PHYH: variants seen among roughly 807,000 people sequenced by gnomAD.
PHYH encodes phytanoyl-CoA dioxygenase, peroxisomal.
PHYH carries 32 observed loss-of-function variants against 38.5 expected under a neutral mutation model. That is an observed-to-expected ratio of 0.83 (90% CI 0.63 to 1.12). The LOEUF (loss-of-function observed/expected upper bound fraction) is 1.12. Ranked by LOEUF, PHYH falls within the 50% of genes most tolerant of loss-of-function variation. The probability of loss-of-function intolerance (pLI) is 0.00; values close to 1 mark genes in which losing one functional copy is unlikely to be tolerated. For synonymous variants in PHYH, 166 were observed against 157.9 expected, an observed-to-expected ratio of 1.05 and a Z score of -0.38; for missense variants, 426 against 434.8, an observed-to-expected ratio of 0.98 and a Z score of 0.18.
rs1450273769 is a variant in PHYH, at chr10:13,291,888, T to C, written c.439A>G (p.Thr147Ala). The C allele has an allele frequency of 1.4e-5, 22 of 1,609,116 alleles. No individual in the cohort carries two copies. The highest frequency in any genetic ancestry group is 1.6e-5 in the Non-Finnish European group (19 of 1,177,098). Residue 147 changes from threonine to alanine, a missense_variant, in exon 5 of 9, where the codon ACT becomes GCT. Coordinates refer to ENST00000263038, the MANE Select transcript of PHYH (RefSeq NM_006214.4). ...PEILKYVECF[T>A]GPNIMAMHTM... ...TGCATGGCCATAATATTAGGTCCAGTGAAGCACTCCACATATTTCAGAATC... is the reference window on the plus strand; with the variant it reads ...TGCATGGCCATAATATTAGGTCCAGCGAAGCACTCCACATATTTCAGAATC...
At chr10:13,293,363 A>G (rs1008536018) in intron 4 of PHYH, among the ~76,000 whole-genome samples, 7 of 151,984 alleles carry the variant, frequency 4.6e-5, no homozygotes, top group Admixed American at 4.6e-4. Context: ...GTGCAATGAC[A>G]TGATCTCGGC....
At chr10:13,289,601 G>A (rs1835652625) in intron 5 of PHYH, among the ~76,000 whole-genome samples, 1 of 152,124 alleles carries the variant, frequency 6.6e-6, no homozygotes, top group Non-Finnish European at 1.5e-5. Context: ...GTGATATGGA[G>A]TCAAGTTTGA....
At chr10:13,283,024 T>C (rs1285260652) in intron 7 of PHYH, among the ~76,000 whole-genome samples, 2 of 152,044 alleles carry the variant, frequency 1.3e-5, no homozygotes, top group Non-Finnish European at 2.9e-5. Context: ...TCTCGCCATG[T>C]TGCCCAGACT....
chr10:13,290,115 C>CAAAAAAAAA (rs1172422242), intron 5 of PHYH, among the ~76,000 whole-genome samples: 5 of 33,390 alleles, frequency 1.5e-4, no homozygotes, highest in African/African-American at 1.3e-4. Context: ...CTAAAAATAC[C>CAAAAAAAAA]AAAAAAAAAA....
rs866323804 is a variant in PHYH, at chr10:13,296,413, C to T, written c.135-807G>A. Among the ~76,000 whole-genome samples, 5 of 151,006 alleles carry T rather than the reference C, an allele frequency of 3.3e-5. 1 individual carries two copies. The Middle Eastern group carries it at 0.01, about 310-fold the overall frequency. On this transcript the variant is annotated intron_variant, in intron 2 of 8. Transcript: ENST00000263038. ...CTCACATGATGAAACCCCATCTCTACTAAAAATACAAAAATTAGCGTGCCT... is the reference window on the plus strand; with the variant it reads ...CTCACATGATGAAACCCCATCTCTATTAAAAATACAAAAATTAGCGTGCCT...
Position 13,281,009 on chromosome 10 carries a change from T to C in PHYH, c.930A>G (p.Lys310=). The part of the protein sequence containing the change: ...IEKEVVGIAH[K]FFGAENSVNL... Reference sequence around the variant, plus strand: ...TCACGCTATTTTCAGCTCCAAAGAATTTATGTGCTATTCCTACAACTTCCT... The same window carrying C: ...TCACGCTATTTTCAGCTCCAAAGAACTTATGTGCTATTCCTACAACTTCCT... Residue 310 remains lysine, a synonymous_variant, in exon 8 of 9, where the codon AAA becomes AAG. Coordinates refer to ENST00000263038, the MANE Select transcript of PHYH (RefSeq NM_006214.4). 6.2e-7 allele frequency: 1 copy of C among 1,614,032 alleles called. No homozygotes were observed. Among genetic ancestry groups the C allele is most frequent in the African/African-American group, 1.3e-5 (1 of 75,050 alleles).
At chr10:13,289,606 G>A (rs918864310) in intron 5 of PHYH, among the ~76,000 whole-genome samples, 5 of 152,128 alleles carry the variant, frequency 3.3e-5, no homozygotes, top group Non-Finnish European at 7.4e-5. Context: ...ATGGAGTCAA[G>A]TTTGAAATCC....
intron 8 of PHYH, among the ~76,000 whole-genome samples, chr10:13,278,835 G>T (rs868326174): frequency 6.6e-6 from 1 of 152,114 alleles, no homozygotes; most frequent in Non-Finnish European, 1.5e-5. Context: ...CACCACTCCT[G>T]GTCTACTTAA....
intron 8 of PHYH, among the ~76,000 whole-genome samples, chr10:13,279,385 T>A (rs1182356156): frequency 1.3e-5 from 2 of 152,224 alleles, no homozygotes; most frequent in African/African-American, 2.4e-5. Context: ...CAAGGATTAC[T>A]GCTTTGTTTG....
rs757620086 is a variant in PHYH, at chr10:13,283,676, A to G, written c.828+14T>C. On this transcript the variant is annotated intron_variant, in intron 7 of 8. Transcript: ENST00000263038. Reference sequence around the variant, plus strand: ...CCACACTTCTGCAGCAGGTGCAGCAATGTGAATGCTTACCTTCCGGAATCC... The same window carrying G: ...CCACACTTCTGCAGCAGGTGCAGCAGTGTGAATGCTTACCTTCCGGAATCC... 6.2e-7 allele frequency: 1 copy of G among 1,613,380 alleles called. No individual in the cohort carries two copies. The highest frequency in any genetic ancestry group is 1.7e-5 in the Admixed American group (1 of 60,012).
intron 1 of PHYH, among the ~76,000 whole-genome samples, chr10:13,298,647 G>A (rs1832641267): frequency 6.6e-6 from 1 of 151,644 alleles, no homozygotes; most frequent in South Asian, 2.1e-4. Flanking sequence ...ATTGCAGTGA[G>A]CTGAGATCAG....
chr10:13,279,541 T>C (rs1835365850), intron 8 of PHYH, among the ~76,000 whole-genome samples: 2 of 152,218 alleles, frequency 1.3e-5, no homozygotes, highest in Admixed American at 1.3e-4. Context: ...CTTTGTCGCT[T>C]AGCTAGCTTA....
chr10:13,298,785 A>ACT (rs1832651794), intron 1 of PHYH, among the ~76,000 whole-genome samples: 2 of 147,008 alleles, frequency 1.4e-5, no homozygotes, highest in African/African-American at 5.0e-5. Flanking sequence ...TACTACTAAT[A>ACT]ATAATAATAC....
chr10:13,299,469 G>A (rs546475750), intron 1 of PHYH: 2 of 1,002,724 alleles, frequency 2.0e-6, no homozygotes, highest in Non-Finnish European at 2.4e-6. Context: ...TGGCAATGCC[G>A]TAGTCCAGCA....
In PHYH at chr10:13,291,876, T is replaced by C. The variant is rs1835720248; in HGVS notation, c.451A>G (p.Ile151Val). 1 of 1,610,790 alleles carries C rather than the reference T, an allele frequency of 6.2e-7. No individual in the cohort carries two copies. Among genetic ancestry groups the C allele is most frequent in the African/African-American group, 1.3e-5 (1 of 74,724 alleles). Residue 151 changes from isoleucine (I) to valine (V), a missense_variant, in exon 5 of 9, where the codon ATT (isoleucine) becomes GTT (valine). Physicochemically the swap from Ile to Val is conservative, Grantham distance 29 (BLOSUM62 3). Transcript: ENST00000263038. ...ATCAACATTGTGTGCATGGCCATAA[T>C]ATTAGGTCCAGTGAAGCACTCCACA... is the stretch of plus-strand genomic sequence containing the variant. ...KYVECFTGPNIMAMHTMLINK... is the reference protein window; with the variant it reads ...KYVECFTGPNVMAMHTMLINK...
At position 13,294,470 on chromosome 10, in the gene PHYH, GA is replaced by G; in HGVS notation, c.371del (p.Phe124SerfsTer17). On this transcript the variant is annotated frameshift_variant, in exon 4 of 9. Transcript: ENST00000263038. LOFTEE classifies it high-confidence loss of function. ...SEKMITKVQD[F>X]QEDKELFRYC... is the part of the protein sequence containing the mutation. ...ATCTGAAGAGCTCCTTATCTTCCTG[GA>G]AATCCTGGACCTTCGTGATCATCTT... 1 of 1,614,126 alleles carries G rather than the reference GA, an allele frequency of 6.2e-7. No homozygotes were observed.
At chr10:13,284,094 G>T (rs1835485541) in intron 6 of PHYH, among the ~76,000 whole-genome samples, 1 of 152,164 alleles carries the variant, frequency 6.6e-6, no homozygotes, top group African/African-American at 2.4e-5. Flanking sequence ...AGGCCAAGTT[G>T]GGAGAATTGC....
intron 8 of PHYH, among the ~76,000 whole-genome samples, chr10:13,279,334 G>A (rs566939647): frequency 3.7e-4 from 56 of 152,250 alleles, no homozygotes; most frequent in African/African-American, 1.3e-3. Context: ...GCCTTTTTGA[G>A]TGTTCTACTC....
chr10:13,297,604 C>A (rs1832597200), intron 2 of PHYH, among the ~76,000 whole-genome samples: 1 of 151,922 alleles, frequency 6.6e-6, no homozygotes, highest in Non-Finnish European at 1.5e-5. Flanking sequence ...TAGGTGCACA[C>A]CACCATGCCC....
Sources: allele counts gnomAD v4.1 joint callset (sites outside exome capture counted in the v4.1 genomes callset), GRCh38; gene constraint gnomAD v4.1.1; transcripts MANE v1.5; gene names NCBI Gene and HGNC (gene_info 2026-07-23, HGNC 2026-07-21).